PPIL4: variants seen among roughly 807,000 people sequenced by gnomAD.
PPIL4 encodes peptidyl-prolyl cis-trans isomerase-like 4.
A neutral mutation model predicts 69.1 loss-of-function variants in PPIL4; 50 were observed. The ratio of observed to expected loss-of-function variants is 0.72; its 90% CI spans 0.58 to 0.92. The LOEUF (loss-of-function observed/expected upper bound fraction) is 0.92. Ranked by LOEUF, PPIL4 falls within the 40% of genes least tolerant of loss-of-function variation. The probability of loss-of-function intolerance (pLI) is 0.00; values close to 1 mark genes in which losing one functional copy is unlikely to be tolerated. For synonymous variants in PPIL4, 193 were observed against 191.6 expected (o/e 1.01, Z -0.06); for missense variants, 480 against 587.9 (o/e 0.82, Z 1.90).
At chr6:149,541,708 A>C (rs980961914) in intron 1 of PPIL4, 122 bp from the exon 2 acceptor site, 2 of 597,708 alleles carry the variant, frequency 3.3e-6, no homozygotes, top group Non-Finnish European at 5.9e-6. Context: ...TCAAATGTCC[A>C]AAGCTATAAA....
In PPIL4 at chr6:149,512,216, G is replaced by C; in HGVS notation, c.1166C>G (p.Thr389Ser). ...TTCTTTCTCTTCAGAACAGTGATGG[G>C]TTTTCTTCTTGTGTTTTTTACTTGT... ...SHTSKKHKKK[T>S]HHCSEEKEDE... is the part of the protein sequence containing the mutation. The change falls in exon 12 of 13, where the codon ACC (threonine) becomes AGC (serine). Residue 389 changes from threonine (T) to serine (S), a missense_variant. Coordinates refer to ENST00000253329, the MANE Select transcript of PPIL4 (RefSeq NM_139126.4). 6.2e-7 allele frequency: 1 copy of C among 1,613,324 alleles called. No homozygotes were observed. Among genetic ancestry groups the C allele is most frequent in the Non-Finnish European group, 8.5e-7 (1 of 1,179,488 alleles).
chr6:149,535,546 C>G, intron 5 of PPIL4, 50 bp downstream of exon 5: 1 of 1,485,694 alleles, frequency 6.7e-7, no homozygotes, highest in Non-Finnish European at 9.3e-7. Context: ...TGTTAAACAT[C>G]TCAATATTAA....
rs748927242 is a variant in PPIL4, at chr6:149,505,697, T to C, written c.1235A>G (p.Tyr412Cys). 3 of 1,610,280 alleles carry C rather than the reference T, an allele frequency of 1.9e-6. No individual in the cohort carries two copies. Among genetic ancestry groups the C allele is most frequent in the South Asian group, 1.1e-5 (1 of 90,252 alleles). ...ATAGTGACCAAACCCCATTTCTCTA[T>C]AGATATCCTGTCAAAGGAAGGGGGA... ...MPIKNTNQDI[Y>C]REMGFGHYEE... is the part of the protein sequence containing the mutation. The change falls in exon 13 of 13, where the codon TAT becomes TGT. Residue 412 changes from tyrosine to cysteine, a missense_variant. Coordinates refer to ENST00000253329, the MANE Select transcript of PPIL4 (RefSeq NM_139126.4).
rs369676784 is a variant in PPIL4, at chr6:149,513,043, T to C, written c.1080-741A>G. On this transcript the variant is annotated intron_variant, in intron 11 of 12. Coordinates refer to ENST00000253329, the MANE Select transcript of PPIL4 (RefSeq NM_139126.4). ...AGGTGTGAGCCACCACACCTGCCCA[T>C]CATGTTTAAATTCTAATAAGAATTT... Among the ~76,000 whole-genome samples the C allele has an allele frequency of 7.2e-3, 1,068 of 147,810 alleles. 19 individuals are homozygous for C. The South Asian group carries it at 0.076, about 11-fold the overall frequency.
At chr6:149,528,735 C>A (rs1777145723) in intron 7 of PPIL4, among the ~76,000 whole-genome samples, 1 of 152,188 alleles carries the variant, frequency 6.6e-6, no homozygotes, top group Admixed American at 6.5e-5. Flanking sequence ...CTAAACCATT[C>A]AATCCAGCAT....
intron 4 of PPIL4, among the ~76,000 whole-genome samples, chr6:149,539,672 G>C (rs370270741): frequency 6.6e-6 from 1 of 152,008 alleles, no homozygotes; most frequent in African/African-American, 2.4e-5. Flanking sequence ...ATGCTACCAC[G>C]CCAGTCAGTT....
chr6:149,528,225 G>C (rs543614956), intron 7 of PPIL4, among the ~76,000 whole-genome samples: 51 of 152,134 alleles, frequency 3.4e-4, no homozygotes, highest in African/African-American at 1.2e-3. Flanking sequence ...CTCCAGCCTA[G>C]AAAACAGAGT....
chr6:149,544,264 C>A (rs1472507676), intron 1 of PPIL4, among the ~76,000 whole-genome samples: 1 of 152,190 alleles, frequency 6.6e-6, no homozygotes, highest in African/African-American at 2.4e-5. Flanking sequence ...AACACTCGAT[C>A]CAGCCACTCG....
chr6:149,535,725 G>A lies in PPIL4; in HGVS notation c.335C>T (p.Thr112Ile), dbSNP rs746793136. The A allele has an allele frequency of 6.2e-7, 1 of 1,600,748 alleles. No homozygotes were observed. The highest frequency in any genetic ancestry group is 1.1e-5 in the South Asian group (1 of 88,964). Residue 112 changes from threonine to isoleucine, a missense_variant, in exon 5 of 13, where the codon ACA becomes ATA. Thr to Ile is a moderately conservative substitution (Grantham distance 89, BLOSUM62 -1). Coordinates refer to ENST00000253329, the MANE Select transcript of PPIL4 (RefSeq NM_139126.4). ...ATCAAGATAATCTAGATTTTCTCCT[G>A]TGGTGATAAGAAACTATAAAGAAGG... ...DQHGSQFLIT[T>I]GENLDYLDGV...
At position 149,510,764 on chromosome 6, in the gene PPIL4, C is replaced by T. The variant is rs138364787; in HGVS notation, c.1227+1391G>A. ...TCTCAAAAAAAAGAAAGAAAAGAAA[C>T]ACTTTAACTGAAATATGAATCTAGT... On this transcript the variant is annotated intron_variant, in intron 12 of 12. Transcript: ENST00000253329. Among the ~76,000 whole-genome samples the T allele has an allele frequency of 1.5e-3, 228 of 152,042 alleles. 1 individual carries two copies. Among genetic ancestry groups the T allele is most frequent in the African/African-American group, 5.1e-3 (213 of 41,464 alleles).
Position 149,521,080 on chromosome 6 carries a change from T to A in PPIL4, c.962A>T (p.Lys321Met), listed in dbSNP as rs766843490. Reference sequence around the variant, plus strand: ...CATACCTTTTCCTTTCCATTTAACCTTTGCAACCGACTGGCTAAAATCCAC... The same window carrying A: ...CATACCTTTTCCTTTCCATTTAACCATTGCAACCGACTGGCTAAAATCCAC... ...IHVDFSQSVA[K>M]VKWKGKGGKY... The change falls in exon 10 of 13, where the codon AAG (lysine) becomes ATG (methionine). Residue 321 changes from lysine (K) to methionine (M), a missense_variant. Lys to Met is a moderately conservative substitution (Grantham distance 95). Coordinates refer to ENST00000253329, the MANE Select transcript of PPIL4 (RefSeq NM_139126.4). 1 of 1,592,162 alleles carries A rather than the reference T, an allele frequency of 6.3e-7. No homozygotes were observed. The highest frequency in any genetic ancestry group is 8.6e-7 in the Non-Finnish European group (1 of 1,162,590).
chr6:149,518,134 A>C (rs1173367168), intron 10 of PPIL4, among the ~76,000 whole-genome samples: 1 of 152,182 alleles, frequency 6.6e-6, no homozygotes, highest in East Asian at 1.9e-4. Context: ...AACTGTCTCT[A>C]CTTTGAAATT....
chr6:149,540,734 A>AT (rs1777345767), intron 4 of PPIL4, among the ~76,000 whole-genome samples: 1 of 152,208 alleles, frequency 6.6e-6, no homozygotes, highest in Admixed American at 6.5e-5. Flanking sequence ...ACTTTTCTGT[A>AT]TTTTCTCAAT....
At position 149,505,596 on chromosome 6, in the gene PPIL4, A is replaced by G; in HGVS notation, c.1336T>C (p.Ser446Pro). 6.2e-7 allele frequency: 1 copy of G among 1,614,118 alleles called. No homozygotes were observed. Among genetic ancestry groups the G allele is most frequent in the Non-Finnish European group, 8.5e-7 (1 of 1,180,026 alleles). Reference protein sequence around the residue: ...DRTQNRSRSRSRERDGHYSNS... With the variant: ...DRTQNRSRSRPRERDGHYSNS... ...CTATAATGGCCATCCCTCTCTCGAG[A>G]TCGGCTACGACTTCGGTTCTGAGTT... The change falls in exon 13 of 13, where the codon TCT (serine) becomes CCT (proline). Residue 446 changes from serine to proline, a missense_variant. By Grantham distance (74) the Ser-to-Pro change is moderately conservative. Coordinates refer to ENST00000253329, the MANE Select transcript of PPIL4 (RefSeq NM_139126.4).
At chr6:149,534,825 TC>T in intron 5 of PPIL4, 51 bp from the exon 6 acceptor site, 2 of 1,111,858 alleles carry the variant, frequency 1.8e-6, no homozygotes, top group Non-Finnish European at 2.6e-6. Flanking sequence ...TATTTCAGAA[TC>T]CTATTTTATT....
At chr6:149,522,507 G>A (rs933721075) in intron 9 of PPIL4, among the ~76,000 whole-genome samples, 2 of 152,158 alleles carry the variant, frequency 1.3e-5, no homozygotes, top group African/African-American at 4.8e-5. Context: ...TACATATATG[G>A]ATACCGATTT....
chr6:149,527,595 G>A (rs1391958726), intron 7 of PPIL4, among the ~76,000 whole-genome samples: 1 of 152,108 alleles, frequency 6.6e-6, no homozygotes, highest in African/African-American at 2.4e-5. Flanking sequence ...CCACTATGAT[G>A]CTACCATCTA....
chr6:149,507,516 A>T (rs897078541), intron 12 of PPIL4, among the ~76,000 whole-genome samples: 1 of 152,224 alleles, frequency 6.6e-6, no homozygotes, highest in Non-Finnish European at 1.5e-5. Flanking sequence ...ATATACTATT[A>T]TATCTGTACA....
At chr6:149,535,569 C>T (rs576657101) in intron 5 of PPIL4, 27 bp downstream of exon 5, 2 of 1,587,862 alleles carry the variant, frequency 1.3e-6, no homozygotes, top group Non-Finnish European at 8.6e-7. Context: ...CATTCTAGTA[C>T]ATTCAGATAG....
Sources: allele counts gnomAD v4.1 joint callset (sites outside exome capture counted in the v4.1 genomes callset), GRCh38; gene constraint gnomAD v4.1.1; transcripts MANE v1.5; gene names NCBI Gene and HGNC (gene_info 2026-07-23, HGNC 2026-07-21).